Variants in BCAS3 observed in about 807,000 individuals in gnomAD.
BCAS3 encodes BCAS3 microtubule associated cell migration factor, also known as BCAS4/BCAS3 fusion.
A neutral mutation model predicts 116.1 loss-of-function variants in BCAS3; 53 were observed. The ratio of observed to expected loss-of-function variants is 0.46; its 90% CI spans 0.37 to 0.57. The LOEUF (loss-of-function observed/expected upper bound fraction) is 0.57. BCAS3 is among the 20% of genes least tolerant of loss of function. BCAS3 has a pLI of 0.00. For missense variants in BCAS3, 917 were observed against 1,165.4 expected, an observed-to-expected ratio of 0.79 and a Z score of 3.10; for synonymous variants, 391 against 408.2, an observed-to-expected ratio of 0.96 and a Z score of 0.51.
rs184440758 is a variant in BCAS3, at chr17:60,715,482, A to G, written c.321+6157A>G. 5.3e-5 allele frequency among the ~76,000 whole-genome samples: 8 copies of G among 152,000 alleles called. No homozygotes were observed. The East Asian group carries it at 9.7e-4, about 18-fold the overall frequency. ...TTTATTTCAATTATTTCAAAATATC[A>G]TACTTCTTATTTATTTTTTATTTTG... On this transcript the variant is annotated intron_variant, in intron 5 of 23. Transcript: ENST00000407086.
At chr17:60,842,409 G>A (rs902948648) in intron 7 of BCAS3, among the ~76,000 whole-genome samples, 1 of 151,830 alleles carries the variant, frequency 6.6e-6, no homozygotes, top group Admixed American at 6.6e-5. Context: ...AAAAAATAGT[G>A]GCATGAACTC....
At chr17:60,811,242 GC>G in intron 7 of BCAS3, 1 of 894,266 alleles carries the variant, frequency 1.1e-6, no homozygotes, top group Non-Finnish European at 1.8e-6. Context: ...GAGGGACAGC[GC>G]CAGGCCCAGG....
intron 14 of BCAS3, among the ~76,000 whole-genome samples, chr17:60,966,211 T>C (rs938794799): frequency 6.6e-6 from 1 of 152,218 alleles, no homozygotes; most frequent in Non-Finnish European, 1.5e-5. Flanking sequence ...TCAGTCTATG[T>C]GTGTCTTTAT....
intron 22 of BCAS3, among the ~76,000 whole-genome samples, chr17:61,322,798 G>GAGAGAGAGAGAGAGAGAGAGAGAGAC (rs2055340833): frequency 1.6e-4 from 4 of 24,706 alleles, no homozygotes; most frequent in Non-Finnish European, 2.8e-4. Context: ...GAGAGACAGA[G>GAGAGAGAGAGAGAGAGAGAGAGAGAC]AGAGAGAGAG....
At chr17:61,030,863 A>G (rs896858567) in intron 16 of BCAS3, among the ~76,000 whole-genome samples, 4 of 151,956 alleles carry the variant, frequency 2.6e-5, no homozygotes, top group Admixed American at 2.6e-4. Flanking sequence ...ACATGGGGTT[A>G]TGTGTGAAAA....
rs571607388 is a variant in BCAS3, at chr17:60,763,657, C to CT, written c.403+16385dup. ...ATCAGGGATATTGGTCTAAAATTCT[C>CT]TTTTTTTGTTGTGTCTCTGCCAGGC... On this transcript the variant is annotated intron_variant, in intron 6 of 23. Transcript: ENST00000407086. Among the ~76,000 whole-genome samples, 1,073 of 152,144 alleles carry CT rather than the reference C, an allele frequency of 7.1e-3. 15 individuals are homozygous for CT. Among genetic ancestry groups the CT allele is most frequent in the African/African-American group, 0.025 (1,023 of 41,510 alleles).
Position 61,243,604 on chromosome 17 carries a change from G to C in BCAS3, c.2426-124723G>C, listed in dbSNP as rs916735273. Among the ~76,000 whole-genome samples the C allele has an allele frequency of 3.3e-5, 5 of 152,156 alleles. No homozygotes were observed. The highest frequency in any genetic ancestry group is 7.3e-5 in the Non-Finnish European group (5 of 68,034). ...TATAAAGACAGTATAAGAAGACTTA[G>C]AATTGAGTACAGTTTGATTGAATCA... On this transcript the variant is annotated intron_variant, in intron 22 of 23. Transcript: ENST00000407086. This position sits in a 1 kb window ranked among gnomAD's most constrained non-coding sequence, Gnocchi z 5.6.
At chr17:60,952,756 C>G (rs771837756) in intron 14 of BCAS3, among the ~76,000 whole-genome samples, 1 of 151,866 alleles carries the variant, frequency 6.6e-6, no homozygotes, top group Non-Finnish European at 1.5e-5. Flanking sequence ...TTTTTCTGAT[C>G]CTCTCCCTCC....
intron 7 of BCAS3, among the ~76,000 whole-genome samples, chr17:60,825,200 T>C (rs8067567): frequency 0.12 from 18,380 of 151,750 alleles, 3,372 homozygotes; most frequent in African/African-American, 0.4. Context: ...GTGTTGCACT[T>C]ATGTGCACCT....
At position 60,734,327 on chromosome 17, in the gene BCAS3, G is replaced by C. The variant is rs560114578; in HGVS notation, c.322-12871G>C. 6.6e-5 allele frequency among the ~76,000 whole-genome samples: 10 copies of C among 152,254 alleles called. No individual in the cohort carries two copies. In the South Asian group the frequency reaches 1.2e-3, roughly 19 times the overall value. On this transcript the variant is annotated intron_variant, in intron 5 of 23. Transcript: ENST00000407086. The stretch of plus-strand genomic sequence containing the variant: ...AGATTTTTAGTAGAGATGGAGTCTT[G>C]CTGTGTTGCCCAGGCTGGTCTTGAA...
chr17:61,334,248 A>G lies in BCAS3; in HGVS notation c.2426-34079A>G, dbSNP rs540265478. Among the ~76,000 whole-genome samples, 8 of 152,346 alleles carry G rather than the reference A, an allele frequency of 5.3e-5. No homozygotes were observed. In the South Asian group the frequency reaches 1.7e-3, roughly 32 times the overall value. On this transcript the variant is annotated intron_variant, in intron 22 of 23. Transcript: ENST00000407086. The stretch of plus-strand genomic sequence containing the variant: ...ATCAATAGTTACTTCCTTAGAAGTC[A>G]TGGAAAAAGCACGTAGGAGACAAGG...
rs919510349 is a variant in BCAS3 at position 61,377,383 on chromosome 17, G to A, written c.2593+8889G>A. 6.6e-6 allele frequency among the ~76,000 whole-genome samples: 1 copy of A among 152,188 alleles called. No homozygotes were observed. Among genetic ancestry groups the A allele is most frequent in the Non-Finnish European group, 1.5e-5 (1 of 68,038 alleles). ...TTGTTGGTGTTGCTATTTGTGTCTCGGTTCAGTGTCGGATTGCCTATTCCT... is the reference window on the plus strand; with the variant it reads ...TTGTTGGTGTTGCTATTTGTGTCTCAGTTCAGTGTCGGATTGCCTATTCCT... On this transcript the variant is annotated intron_variant, in intron 23 of 23. Coordinates refer to ENST00000407086, the MANE Select transcript of BCAS3 (RefSeq NM_017679.5). The surrounding 1 kb of genome is among the most constrained non-coding windows in gnomAD (Gnocchi z 4.6).
intron 19 of BCAS3, among the ~76,000 whole-genome samples, chr17:61,067,273 GTATA>G (rs1199603635): frequency 0.095 from 5,564 of 58,710 alleles, 220 homozygotes; most frequent in Admixed American, 0.12. Context: ...GTGTGTATGT[GTATA>G]TATATATATA....
chr17:60,826,028 T>G (rs1244420052), intron 7 of BCAS3, among the ~76,000 whole-genome samples: 1 of 151,654 alleles, frequency 6.6e-6, no homozygotes, highest in Non-Finnish European at 1.5e-5. Context: ...TGGCTAATTT[T>G]TTTTTGTATT....
chr17:60,848,554 C>T (rs968628894), intron 7 of BCAS3, among the ~76,000 whole-genome samples: 45 of 152,092 alleles, frequency 3.0e-4, no homozygotes, highest in African/African-American at 9.9e-4. Flanking sequence ...AATTGCTTTG[C>T]GTAGATCTTT....
chr17:61,176,157 A>AG (rs1431749059), intron 22 of BCAS3, among the ~76,000 whole-genome samples: 4 of 149,404 alleles, frequency 2.7e-5, no homozygotes, highest in Non-Finnish European at 4.4e-5. Context: ...AAAAAAAAAA[A>AG]AAAAGAAAAA....
intron 6 of BCAS3, among the ~76,000 whole-genome samples, chr17:60,792,721 T>C (rs1436586494): frequency 1.3e-5 from 2 of 152,192 alleles, no homozygotes; most frequent in Non-Finnish European, 2.9e-5. Flanking sequence ...ATGTGATCAC[T>C]GCAAATGCTG....
chr17:60,891,984 T>C (rs2057183386), intron 10 of BCAS3, among the ~76,000 whole-genome samples: 2 of 152,198 alleles, frequency 1.3e-5, no homozygotes, highest in Non-Finnish European at 2.9e-5. Context: ...ATGATTTCAT[T>C]CTTTCTGTGG....
rs182746427 is a variant in BCAS3, at chr17:61,343,785, C to G, written c.2426-24542C>G. On this transcript the variant is annotated intron_variant, in intron 22 of 23. Coordinates refer to ENST00000407086, the MANE Select transcript of BCAS3 (RefSeq NM_017679.5). This position sits in a 1 kb window ranked among gnomAD's most constrained non-coding sequence, Gnocchi z 5.5. ...AGCTTAATTCCTCTAAAAACAGTGCCCGTTGGGCATTTTGCCTGGAGAGAG... is the reference window on the plus strand; with the variant it reads ...AGCTTAATTCCTCTAAAAACAGTGCGCGTTGGGCATTTTGCCTGGAGAGAG... Among the ~76,000 whole-genome samples, 600 of 152,318 alleles carry G rather than the reference C, an allele frequency of 3.9e-3. 4 individuals carry two copies. The highest frequency in any genetic ancestry group is 9.6e-3 in the East Asian group (50 of 5,182).
Sources: allele counts gnomAD v4.1 joint callset (sites outside exome capture counted in the v4.1 genomes callset), GRCh38; gene constraint gnomAD v4.1.1; non-coding constraint Gnocchi (gnomAD v3.1); transcripts MANE v1.5; gene names NCBI Gene and HGNC (gene_info 2026-07-23, HGNC 2026-07-21).